GALNT18: variants seen among roughly 807,000 people sequenced by gnomAD.
GALNT18 encodes polypeptide N-acetylgalactosaminyltransferase 18, also known as GalNAc-transferase 18.
GALNT18 carries 44 observed loss-of-function variants against 69.5 expected under a neutral mutation model. The observed-to-expected ratio is 0.63, with a 90% CI of 0.50 to 0.81. The LOEUF is 0.81. Ranked by LOEUF, GALNT18 falls within the 40% of genes least tolerant of loss-of-function variation. The pLI is 0.00. For synonymous variants in GALNT18, 364 were observed against 318.2 expected (o/e 1.14, Z -1.53); for missense variants, 715 against 810.0 (o/e 0.88, Z 1.42).
At chr11:11,519,534 A>C (rs11601248) in intron 1 of GALNT18, among the ~76,000 whole-genome samples, 1 of 152,104 alleles carries the variant, frequency 6.6e-6, no homozygotes, top group Non-Finnish European at 1.5e-5. Context: ...AAGGTGAGGA[A>C]TGGATGTGGA....
At chr11:11,365,395 A>G (rs1850741747) in intron 6 of GALNT18, among the ~76,000 whole-genome samples, 1 of 152,212 alleles carries the variant, frequency 6.6e-6, no homozygotes, top group Non-Finnish European at 1.5e-5. Context: ...CCAGGCTATC[A>G]TTGACAGGCA....
intron 1 of GALNT18, among the ~76,000 whole-genome samples, chr11:11,519,884 C>T (rs1033743121): frequency 6.6e-6 from 1 of 152,220 alleles, no homozygotes; most frequent in African/African-American, 2.4e-5. Flanking sequence ...TGGGCCATGA[C>T]CACAGTGTAA....
intron 3 of GALNT18, among the ~76,000 whole-genome samples, chr11:11,407,127 T>C (rs1285474781): frequency 6.6e-6 from 1 of 152,108 alleles, no homozygotes; most frequent in East Asian, 1.9e-4. Context: ...GCCCAGGACT[T>C]GGGAACAAGC....
intron 7 of GALNT18, among the ~76,000 whole-genome samples, chr11:11,333,172 G>T (rs1850049599): frequency 6.6e-6 from 1 of 151,778 alleles, no homozygotes; most frequent in South Asian, 2.1e-4. Flanking sequence ...CCTACCTCAA[G>T]AGGCAAGATG....
chr11:11,573,947 A>C lies in GALNT18; in HGVS notation c.235+47412T>G, dbSNP rs1489393465. Among the ~76,000 whole-genome samples, 1 of 152,180 alleles carries C rather than the reference A, an allele frequency of 6.6e-6. No homozygotes were observed. The highest frequency in any genetic ancestry group is 2.4e-5 in the African/African-American group (1 of 41,442). On this transcript the variant is annotated intron_variant, in intron 1 of 10. Coordinates refer to ENST00000227756, the MANE Select transcript of GALNT18 (RefSeq NM_198516.3). The surrounding 1 kb of genome is among the most constrained non-coding windows in gnomAD (Gnocchi z 4.6). ...CATCTCATTATAGAAGGCAGAGTTC[A>C]GAGAAATTAGGATGGCTGCCCAAGG...
rs143071656 is a variant in GALNT18 at position 11,544,014 on chromosome 11, T to C, written c.235+77345A>G. ...AAAAATGGATTTTGGGGCCCTGCAA[T>C]AGTGCGCACAAGGCTTCCTCGTCAG... On this transcript the variant is annotated intron_variant, in intron 1 of 10. Transcript: ENST00000227756. Among the ~76,000 whole-genome samples the C allele has an allele frequency of 2.7e-3, 417 of 152,312 alleles. 2 individuals are homozygous for C. Among genetic ancestry groups the C allele is most frequent in the African/African-American group, 9.5e-3 (396 of 41,582 alleles).
chr11:11,341,098 G>A lies in GALNT18; in HGVS notation c.1093-94C>T, dbSNP rs1850198269. ...GCCACTTGACATGAGCAGGAAGAAAGTCAGCCCCTTCACCTTGACTCCCCA... is the reference window on the plus strand; with the variant it reads ...GCCACTTGACATGAGCAGGAAGAAAATCAGCCCCTTCACCTTGACTCCCCA... On this transcript the variant is annotated intron_variant, in intron 6 of 10. Transcript: ENST00000227756. The surrounding 1 kb of genome is among the most constrained non-coding windows in gnomAD (Gnocchi z 6.3). 8.1e-7 allele frequency: 1 copy of A among 1,232,380 alleles called. No homozygotes were observed. Among genetic ancestry groups the A allele is most frequent in the Non-Finnish European group, 1.1e-6 (1 of 885,026 alleles). The allele number at this position is 1,232,380 out of a possible 1,614,324, so 76.3% of individuals were successfully genotyped here. A position where few individuals can be genotyped will look rare whatever the true frequency, so the allele number is the denominator to read the frequency against.
intron 1 of GALNT18, among the ~76,000 whole-genome samples, chr11:11,510,980 G>A (rs7932656): frequency 6.6e-6 from 1 of 152,078 alleles, no homozygotes; most frequent in Admixed American, 6.5e-5. Flanking sequence ...TGAGGATGGT[G>A]CCCGGACAGA....
At chr11:11,433,046 A>C (rs1855311141) in intron 2 of GALNT18, among the ~76,000 whole-genome samples, 1 of 152,252 alleles carries the variant, frequency 6.6e-6, no homozygotes, top group Admixed American at 6.5e-5. Context: ...ATGAGCACTT[A>C]GGACAGCACA....
chr11:11,321,214 A>C (rs1849834146), intron 9 of GALNT18, among the ~76,000 whole-genome samples: 1 of 152,218 alleles, frequency 6.6e-6, no homozygotes, highest in Non-Finnish European at 1.5e-5. Flanking sequence ...CAGCTTTATC[A>C]TCTGCAGACA....
chr11:11,445,130 T>C (rs1855620950), intron 2 of GALNT18, among the ~76,000 whole-genome samples: 1 of 152,230 alleles, frequency 6.6e-6, no homozygotes, highest in South Asian at 2.1e-4. Context: ...AAAGCGGGCC[T>C]GCCACTCCCA....
Position 11,402,659 on chromosome 11 carries a change from A to G in GALNT18, c.596-23395T>C, listed in dbSNP as rs1421626993. Among the ~76,000 whole-genome samples, 1 of 152,212 alleles carries G rather than the reference A, an allele frequency of 6.6e-6. No individual in the cohort carries two copies. The highest frequency in any genetic ancestry group is 1.5e-5 in the Non-Finnish European group (1 of 68,040). On this transcript the variant is annotated intron_variant, in intron 3 of 10. Transcript: ENST00000227756. The surrounding 1 kb of genome is among the most constrained non-coding windows in gnomAD (Gnocchi z 4.0). ...AAGGCATAAGTCCTCTTTTTCATGG[A>G]TAGAGCCAGTGTCCCAAAAACTCTT...
intron 1 of GALNT18, among the ~76,000 whole-genome samples, chr11:11,580,342 G>C (rs1421125420): frequency 6.6e-6 from 1 of 152,122 alleles, no homozygotes; most frequent in South Asian, 2.1e-4. Flanking sequence ...CCAAAGACTA[G>C]CCCTGGGTCC....
chr11:11,486,222 C>A (rs1296982002), intron 1 of GALNT18, among the ~76,000 whole-genome samples: 1 of 152,220 alleles, frequency 6.6e-6, no homozygotes, highest in African/African-American at 2.4e-5. Context: ...CTTGTACCTC[C>A]CGCCCTACTT....
At chr11:11,488,246 T>C (rs536542594) in intron 1 of GALNT18, among the ~76,000 whole-genome samples, 4 of 152,350 alleles carry the variant, frequency 2.6e-5, no homozygotes, top group African/African-American at 7.2e-5. Flanking sequence ...AGCAGGGCTG[T>C]ACTCCTCCTG....
chr11:11,271,185 G>A lies in GALNT18; in HGVS notation c.1783C>T (p.His595Tyr), dbSNP rs529464883. 6 of 1,614,060 alleles carry A rather than the reference G, an allele frequency of 3.7e-6. No homozygotes were observed. In the Admixed American group the frequency reaches 1.0e-4, roughly 27 times the overall value. The change falls in exon 11 of 11, where the codon CAC becomes TAC. Residue 595 changes from histidine to tyrosine, a missense_variant. Physicochemically the swap from His to Tyr is moderately conservative, Grantham distance 83. Coordinates refer to ENST00000227756, the MANE Select transcript of GALNT18 (RefSeq NM_198516.3). ...CTCAGGACGTTGGTGATGCTCCAGT[G>A]CTGGCCCGAGCACTTCTGCAACACC... ...QLVLQKCSGQHWSITNVLRSL... is the reference protein window; with the variant it reads ...QLVLQKCSGQYWSITNVLRSL...
At chr11:11,419,208 C>T (rs1425284953) in intron 3 of GALNT18, among the ~76,000 whole-genome samples, 4 of 152,198 alleles carry the variant, frequency 2.6e-5, no homozygotes, top group African/African-American at 4.8e-5. Context: ...AAAAACTAGC[C>T]TTCTGTTAGT....
Position 11,271,157 on chromosome 11 carries a change from C to T in GALNT18, c.1811G>A (p.Ser604Asn). 6.2e-7 allele frequency: 1 copy of T among 1,612,030 alleles called. No individual in the cohort carries two copies. Among genetic ancestry groups the T allele is most frequent in the South Asian group, 1.1e-5 (1 of 91,002 alleles). The part of the protein sequence containing the change: ...QHWSITNVLR[S>N]LAS ...GGCCCCGGTGGGTCAGGACGCGAGG[C>T]TCCTCAGGACGTTGGTGATGCTCCA... The change falls in exon 11 of 11, where the codon AGC becomes AAC. Residue 604 changes from serine to asparagine, a missense_variant. Ser to Asn is a conservative substitution (Grantham distance 46, BLOSUM62 1). Coordinates refer to ENST00000227756, the MANE Select transcript of GALNT18 (RefSeq NM_198516.3).
At chr11:11,274,510 G>C (rs1564873673) in intron 10 of GALNT18, among the ~76,000 whole-genome samples, 1 of 152,170 alleles carries the variant, frequency 6.6e-6, no homozygotes, top group Non-Finnish European at 1.5e-5. Context: ...GGTTGGGTGA[G>C]GGACATCCGC....
Sources: allele counts gnomAD v4.1 joint callset (sites outside exome capture counted in the v4.1 genomes callset), GRCh38; gene constraint gnomAD v4.1.1; non-coding constraint Gnocchi (gnomAD v3.1); transcripts MANE v1.5; gene names NCBI Gene and HGNC (gene_info 2026-07-23, HGNC 2026-07-21).